BCKDHB: variants seen among roughly 807,000 people sequenced by gnomAD.
The protein encoded by BCKDHB is 2-oxoisovalerate dehydrogenase subunit beta, mitochondrial.
Under a neutral mutation model 48.5 loss-of-function variants are expected in BCKDHB, and 41 were observed. The observed-to-expected ratio is 0.85, with a 90% CI of 0.66 to 1.10. The LOEUF (loss-of-function observed/expected upper bound fraction) is 1.10. BCKDHB is among the 50% of genes least tolerant of loss of function. The pLI, the probability that BCKDHB is intolerant of heterozygous loss-of-function variation, is 0.00. For missense variants in BCKDHB, 496 were observed against 494.2 expected (o/e 1.00, Z -0.03); for synonymous variants, 201 against 174.8 (o/e 1.15, Z -1.18).
intron 5 of BCKDHB, among the ~76,000 whole-genome samples, chr6:80,170,779 G>A (rs779040829): frequency 5.9e-5 from 9 of 152,118 alleles, no homozygotes; most frequent in Non-Finnish European, 1.0e-4. Context: ...ACACTATGGT[G>A]CCTGGACTGT....
chr6:80,260,460 G>C (rs1777251894), intron 8 of BCKDHB, among the ~76,000 whole-genome samples: 1 of 152,094 alleles, frequency 6.6e-6, no homozygotes, highest in African/African-American at 2.4e-5. Flanking sequence ...AGGGCTCCTG[G>C]TAAGGGCCCT....
At chr6:80,256,438 A>G (rs555578452) in intron 8 of BCKDHB, among the ~76,000 whole-genome samples, 1 of 152,320 alleles carries the variant, frequency 6.6e-6, no homozygotes, top group Admixed American at 6.5e-5. Flanking sequence ...GTATCAAAAC[A>G]TATCTAAACA....
At chr6:80,399,819 G>A in the BCKDHB span, among the ~76,000 whole-genome samples, 2 of 151,536 alleles carry the variant, frequency 1.3e-5, no homozygotes, top group African/African-American at 2.4e-5. Flanking sequence ...AAAGCTGGAG[G>A]CATCATGCAA....
At chr6:80,357,891 A>G in the BCKDHB span, among the ~76,000 whole-genome samples, 1 of 152,154 alleles carries the variant, frequency 6.6e-6, no homozygotes, top group Non-Finnish European at 1.5e-5. Context: ...TCCTGTATCC[A>G]TGCTTTTTTC....
chr6:80,399,569 A>G, the BCKDHB span, among the ~76,000 whole-genome samples: 1 of 152,172 alleles, frequency 6.6e-6, no homozygotes, highest in East Asian at 1.9e-4. Flanking sequence ...AAGGAGAACT[A>G]CAAAACATTG....
chr6:80,446,551 G>T, the BCKDHB span, among the ~76,000 whole-genome samples: 13 of 152,212 alleles, frequency 8.5e-5, no homozygotes, highest in African/African-American at 2.9e-4. Flanking sequence ...GGGGCAGCCT[G>T]CCCAGTCTCA....
At chr6:80,187,476 A>G (rs73750075) in intron 6 of BCKDHB, among the ~76,000 whole-genome samples, 5,320 of 152,226 alleles carry the variant, frequency 0.035, 306 homozygotes, top group African/African-American at 0.12. Flanking sequence ...AACATTAGCA[A>G]GTGGGGTCAG....
chr6:80,426,887 G>T, the BCKDHB span, among the ~76,000 whole-genome samples: 2 of 152,110 alleles, frequency 1.3e-5, no homozygotes, highest in Non-Finnish European at 2.9e-5. Flanking sequence ...TTTTCTGTAT[G>T]ATCGTTCTAC....
intron 8 of BCKDHB, among the ~76,000 whole-genome samples, chr6:80,222,064 C>G (rs1775483303): frequency 6.6e-6 from 1 of 152,058 alleles, no homozygotes; most frequent in Admixed American, 6.6e-5. Context: ...TACCCATTAC[C>G]CAAATACTGA....
At chr6:80,416,443 G>A in the BCKDHB span, among the ~76,000 whole-genome samples, 1 of 151,864 alleles carries the variant, frequency 6.6e-6, no homozygotes, top group African/African-American at 2.4e-5. Flanking sequence ...TCTCAACACT[G>A]CTTTAGCTGC....
At chr6:80,110,929 C>T (rs542103990) in intron 1 of BCKDHB, among the ~76,000 whole-genome samples, 1 of 150,666 alleles carries the variant, frequency 6.6e-6, no homozygotes, top group South Asian at 2.1e-4. Context: ...GTGTGTTAAC[C>T]TGTTTATTAA....
the BCKDHB span, among the ~76,000 whole-genome samples, chr6:80,426,269 G>T: frequency 6.6e-6 from 1 of 152,154 alleles, no homozygotes; most frequent in Non-Finnish European, 1.5e-5. Context: ...ATCTTGGGCT[G>T]GGAATAGTTG....
At chr6:80,189,874 G>T (rs1205304465) in intron 6 of BCKDHB, among the ~76,000 whole-genome samples, 1 of 152,020 alleles carries the variant, frequency 6.6e-6, no homozygotes, top group Non-Finnish European at 1.5e-5. Flanking sequence ...TTGAATTTAT[G>T]AATTCTAGCT....
intron 3 of BCKDHB, among the ~76,000 whole-genome samples, chr6:80,166,980 T>TA (rs1163024854): frequency 6.6e-6 from 1 of 152,208 alleles, no homozygotes; most frequent in Non-Finnish European, 1.5e-5. Flanking sequence ...ACTAGTACAT[T>TA]AAAAAATCAT....
chr6:80,155,239 A>G (rs1771985012), intron 3 of BCKDHB, among the ~76,000 whole-genome samples: 2 of 152,148 alleles, frequency 1.3e-5, no homozygotes, highest in South Asian at 2.1e-4. Flanking sequence ...TTTGGAGAAC[A>G]TATGATGGAA....
intron 8 of BCKDHB, among the ~76,000 whole-genome samples, chr6:80,231,045 A>G (rs1775903858): frequency 1.3e-5 from 2 of 152,268 alleles, no homozygotes; most frequent in South Asian, 2.1e-4. Flanking sequence ...CTTCATTGCC[A>G]GTGGTTGGCC....
At chr6:80,282,715 C>T (rs141081829) in intron 9 of BCKDHB, among the ~76,000 whole-genome samples, 45 of 152,076 alleles carry the variant, frequency 3.0e-4, no homozygotes, top group African/African-American at 9.9e-4. Context: ...TATATACATA[C>T]ATCTAGGCAT....
At chr6:80,189,665 T>TA (rs933501087) in intron 6 of BCKDHB, among the ~76,000 whole-genome samples, 4 of 152,168 alleles carry the variant, frequency 2.6e-5, no homozygotes, top group Non-Finnish European at 5.9e-5. Flanking sequence ...TGCCCATACT[T>TA]AGAGGCAGAT....
the BCKDHB span, among the ~76,000 whole-genome samples, chr6:80,423,134 G>A: frequency 6.6e-6 from 1 of 152,148 alleles, no homozygotes. Context: ...TCTTATGATA[G>A]CAAGGAGTTC....
Sources: allele counts gnomAD v4.1 joint callset (sites outside exome capture counted in the v4.1 genomes callset), GRCh38; gene constraint gnomAD v4.1.1; transcripts MANE v1.5; gene names NCBI Gene and HGNC (gene_info 2026-07-23, HGNC 2026-07-21).